The following TUBE1 variants were observed in gnomAD, a reference collection of about 807,000 sequenced individuals.
The protein encoded by TUBE1 is tubulin epsilon 1.
Under a neutral mutation model 53.5 loss-of-function variants are expected in TUBE1, and 34 were observed. That is an observed-to-expected ratio of 0.64 (90% confidence interval 0.48 to 0.85). The LOEUF (loss-of-function observed/expected upper bound fraction) is 0.85. Among genes scored for constraint, TUBE1 ranks in the 40% least tolerant of loss-of-function variants. TUBE1 has a pLI of 0.00. For synonymous variants in TUBE1, 177 were observed against 198.4 expected, an observed-to-expected ratio of 0.89 and a Z score of 0.91; for missense variants, 532 against 570.5, an observed-to-expected ratio of 0.93 and a Z score of 0.69.
rs1159602158 is a variant in TUBE1 at position 112,083,834 on chromosome 6, G to GT, written c.210+354dup. On this transcript the variant is annotated intron_variant, in intron 4 of 11. Coordinates refer to ENST00000368662, the MANE Select transcript of TUBE1 (RefSeq NM_016262.5). ...TTCACTACAATGTGGCTGGTTCCAT[G>GT]TTTTTTATTGGTAGTAACTTTGATG... The GT allele has an allele frequency of 2.7e-5, 5 of 184,992 alleles. No individual in the cohort carries two copies. In the Admixed American group the frequency reaches 2.9e-4, roughly 11 times the overall value. 11.5% of individuals were successfully genotyped at this position (184,992 alleles called of 1,614,324 possible). A position where few individuals can be genotyped will look rare whatever the true frequency, so the allele number is the denominator to read the frequency against.
At chr6:112,083,140 T>G (rs1463967574) in intron 4 of TUBE1, among the ~76,000 whole-genome samples, 5 of 152,032 alleles carry the variant, frequency 3.3e-5, no homozygotes, top group Non-Finnish European at 5.9e-5. Context: ...CAAAGCATAC[T>G]GTGTTAGTCA....
chr6:112,083,958 C>G, intron 4 of TUBE1: 1 of 489,282 alleles, frequency 2.0e-6, no homozygotes, highest in Non-Finnish European at 3.7e-6. Flanking sequence ...TATCATTTAT[C>G]TAGACACTAT....
In TUBE1 at chr6:112,079,697, G is replaced by T. The variant is rs782315822; in HGVS notation, c.384C>A (p.Phe128Leu). The stretch of plus-strand genomic sequence containing the variant: ...AATCACAGTGCTCTGCCGACTTTCT[G>T]AATTTCTCTAAAATCTGGTCTTGGT... ...SLYQDQILEK[F>L]RKSAEHCDCL... Residue 128 changes from phenylalanine (F) to leucine (L), a missense_variant, in exon 6 of 12, where the codon TTC (phenylalanine) becomes TTA (leucine). Physicochemically the swap from Phe to Leu is conservative, Grantham distance 22 (BLOSUM62 0). Coordinates refer to ENST00000368662, the MANE Select transcript of TUBE1 (RefSeq NM_016262.5). The T allele has an allele frequency of 6.2e-7, 1 of 1,611,946 alleles. No individual in the cohort carries two copies. Among genetic ancestry groups the T allele is most frequent in the Non-Finnish European group, 8.5e-7 (1 of 1,178,880 alleles).
At chr6:112,087,166 T>C in intron 2 of TUBE1, 67 bp downstream of exon 2, 1 of 1,392,820 alleles carries the variant, frequency 7.2e-7, no homozygotes, top group East Asian at 2.5e-5. Context: ...TCAAGTCGAT[T>C]ATTTCCTGCG....
Position 112,071,285 on chromosome 6 carries a change from C to G in TUBE1, c.*127G>C, listed in dbSNP as rs1434065210. Reference sequence around the variant, plus strand: ...ACAAATTGCGATTAAACAGAAATCACTCTTTTAGACAAAAATATTTCCCGA... The same window carrying G: ...ACAAATTGCGATTAAACAGAAATCAGTCTTTTAGACAAAAATATTTCCCGA... On this transcript the variant is annotated 3_prime_UTR_variant, in exon 12 of 12. Coordinates refer to ENST00000368662, the MANE Select transcript of TUBE1 (RefSeq NM_016262.5). 1.1e-6 allele frequency: 1 copy of G among 937,186 alleles called. No homozygotes were observed. Among genetic ancestry groups the G allele is most frequent in the Non-Finnish European group, 1.5e-6 (1 of 674,428 alleles). 58.1% of individuals were successfully genotyped at this position (937,186 alleles called of 1,614,324 possible).
Position 112,071,388 on chromosome 6 carries a change from A to G in TUBE1, c.*24T>C. 9 of 1,454,960 alleles carry G rather than the reference A, an allele frequency of 6.2e-6. No individual in the cohort carries two copies. Among genetic ancestry groups the G allele is most frequent in the African/African-American group, 2.8e-5 (2 of 71,584 alleles). The allele number at this position is 1,454,960 out of a possible 1,614,324, so 90.1% of individuals were successfully genotyped here. On this transcript the variant is annotated 3_prime_UTR_variant, in exon 12 of 12. Coordinates refer to ENST00000368662, the MANE Select transcript of TUBE1 (RefSeq NM_016262.5). ...TCAGAAAAAACAATGTGAAATTAAG[A>G]AAGTATTTTTGAGGGTTTCTTTTTC... is the stretch of plus-strand genomic sequence containing the variant.
chr6:112,086,922 T>G (rs755594519), intron 2 of TUBE1: 2 of 494,250 alleles, frequency 4.0e-6, no homozygotes, highest in Non-Finnish European at 3.5e-6. Context: ...AATTAAGGAA[T>G]ACAATAACCA....
chr6:112,079,848 A>G (rs1777042277), intron 5 of TUBE1, 94 bp from the exon 6 acceptor site: 2 of 1,266,624 alleles, frequency 1.6e-6, no homozygotes, highest in Non-Finnish European at 2.2e-6. Context: ...AACAAATTTG[A>G]AAAGTATTCT....
At chr6:112,076,183 GAGAA>G (rs1776964628) in intron 7 of TUBE1, 71 bp from the exon 8 acceptor site, 1 of 1,497,236 alleles carries the variant, frequency 6.7e-7, no homozygotes. Flanking sequence ...TACTAGGAAA[GAGAA>G]AGAAAAACAA....
At chr6:112,083,117 T>C (rs1375226270) in intron 4 of TUBE1, among the ~76,000 whole-genome samples, 1 of 152,004 alleles carries the variant, frequency 6.6e-6, no homozygotes, top group African/African-American at 2.4e-5. Flanking sequence ...GGATACCTGC[T>C]CTCTCTACAT....
intron 8 of TUBE1, 186 bp from the exon 9 acceptor site, chr6:112,075,036 T>C (rs960723063): frequency 1.7e-5 from 5 of 298,188 alleles, no homozygotes; most frequent in Non-Finnish European, 2.5e-5. Context: ...AAATAAAATA[T>C]AACACACAAC....
At position 112,087,238 on chromosome 6, in the gene TUBE1, T is replaced by G. The variant is rs2114496727; in HGVS notation, c.94A>C (p.Asn32His). ...DLALREHAAV[N>H]QKGIYDEAIS... ...TCGCGGCGGCGGGCGGGTACCTGGTTGACCGCGGCGTGCTCCCTTAGTGCC... is the reference window on the plus strand; with the variant it reads ...TCGCGGCGGCGGGCGGGTACCTGGTGGACCGCGGCGTGCTCCCTTAGTGCC... The change falls in exon 2 of 12, where the codon AAC becomes CAC. Residue 32 changes from asparagine (N) to histidine (H), a missense_variant. By Grantham distance (68) the Asn-to-His change is moderately conservative. Transcript: ENST00000368662. 1 of 1,550,982 alleles carries G rather than the reference T, an allele frequency of 6.4e-7. No homozygotes were observed. The highest frequency in any genetic ancestry group is 8.7e-7 in the Non-Finnish European group (1 of 1,146,846).
chr6:112,079,652 T>C lies in TUBE1; in HGVS notation c.429A>G (p.Ile143Met). Reference sequence around the variant, plus strand: ...TTTTACCTCCTCCCATGGAATGTATTATAAAGAAACACTGCAAGCAATCAC... The same window carrying C: ...TTTTACCTCCTCCCATGGAATGTATCATAAAGAAACACTGCAAGCAATCAC... The part of the protein sequence containing the change: ...EHCDCLQCFF[I>M]IHSMGGGTGS... The change falls in exon 6 of 12, where the codon ATA becomes ATG. Residue 143 changes from isoleucine (I) to methionine (M), a missense_variant. Physicochemically the swap from Ile to Met is conservative, Grantham distance 10. Transcript: ENST00000368662. The C allele has an allele frequency of 1.2e-6, 2 of 1,612,386 alleles. No homozygotes were observed. The highest frequency in any genetic ancestry group is 1.7e-6 in the Non-Finnish European group (2 of 1,179,118).
chr6:112,073,624 C>G (rs1776905520), intron 9 of TUBE1, among the ~76,000 whole-genome samples: 1 of 152,132 alleles, frequency 6.6e-6, no homozygotes, highest in Non-Finnish European at 1.5e-5. Flanking sequence ...GGAGTCCTAT[C>G]TATTAGTTGG....
rs782303651 is a variant in TUBE1 at position 112,081,105 on chromosome 6, A to G, written c.313T>C (p.Ser105Pro). Residue 105 changes from serine to proline, a missense_variant, in exon 5 of 12, where the codon TCA becomes CCA. By Grantham distance (74) the Ser-to-Pro change is moderately conservative. Transcript: ENST00000368662. ...TKQLITDISG[S>P]GNNWAVGHKV... ...GTGTATTCTCACCAATTATTTCCTG[A>G]GCCAGAAATATCAGTGATGAGCTGT... 6.3e-7 allele frequency: 1 copy of G among 1,595,990 alleles called. No individual in the cohort carries two copies. The highest frequency in any genetic ancestry group is 8.6e-7 in the Non-Finnish European group (1 of 1,168,892).
Position 112,071,102 on chromosome 6 carries a change from G to A in TUBE1, c.*310C>T. On this transcript the variant is annotated 3_prime_UTR_variant, in exon 12 of 12. Coordinates refer to ENST00000368662, the MANE Select transcript of TUBE1 (RefSeq NM_016262.5). Reference sequence around the variant, plus strand: ...ATATCTGTACAAGATTTTTATTGAAGACACATCAGTGCATAAATGCCTAAA... The same window carrying A: ...ATATCTGTACAAGATTTTTATTGAAAACACATCAGTGCATAAATGCCTAAA... 1 of 168,258 alleles carries A rather than the reference G, an allele frequency of 5.9e-6. No homozygotes were observed. The highest frequency in any genetic ancestry group is 1.6e-4 in the East Asian group (1 of 6,276). 10.4% of individuals were successfully genotyped at this position (168,258 alleles called of 1,614,324 possible).
intron 6 of TUBE1, chr6:112,078,151 C>T (rs1292850276): frequency 6.6e-6 from 1 of 151,886 alleles, no homozygotes; most frequent in Non-Finnish European, 1.5e-5. Context: ...CAGTAAGAAG[C>T]ACTGGTGCAA....
At chr6:112,075,048 T>A in intron 8 of TUBE1, 198 bp from the exon 9 acceptor site, 9 of 255,806 alleles carry the variant, frequency 3.5e-5, no homozygotes, top group East Asian at 6.6e-5. Flanking sequence ...ACACACAACA[T>A]CTACATTTTT....
chr6:112,076,727 G>A (rs1434575595), intron 6 of TUBE1: 7 of 360,256 alleles, frequency 1.9e-5, no homozygotes, highest in Non-Finnish European at 2.5e-5. Context: ...GAGCCACCAC[G>A]CCTGGCTAAC....
Sources: gnomAD v4.1 joint callset for allele counts (sites outside exome capture counted in the v4.1 genomes callset) on GRCh38, gnomAD v4.1.1 for gene constraint, MANE v1.5 for transcripts, NCBI Gene and HGNC (gene_info 2026-07-23, HGNC 2026-07-21) for gene names.